Variants in RHOH observed in about 807,000 individuals in gnomAD.
RHOH encodes ras homolog family member H.
Under a neutral mutation model 13.8 loss-of-function variants are expected in RHOH, and 6 were observed. The ratio of observed to expected loss-of-function variants is 0.44; its 90% confidence interval spans 0.24 to 0.86. The LOEUF is 0.86. Among genes scored for constraint, RHOH ranks in the 40% least tolerant of loss-of-function variants. The pLI is 0.24. For synonymous variants in RHOH, 117 were observed against 103.0 expected (o/e 1.14, Z -0.82); for missense variants, 147 against 244.5 (o/e 0.60, Z 2.66).
In RHOH at chr4:40,218,080, C is replaced by T. The variant is rs185506793; in HGVS notation, c.-331+20780C>T. On this transcript the variant is annotated intron_variant, in intron 1 of 2. Transcript: ENST00000381799. This position sits in a 1 kb window ranked among gnomAD's most constrained non-coding sequence, Gnocchi z 4.1. ...TTGTACAAGGTACAAAACTTCTGTC[C>T]TTGGTATGAACATTTGGGAGGCAAG... is the stretch of plus-strand genomic sequence containing the variant. 6.6e-6 allele frequency: 1 copy of T among 152,238 alleles called. No homozygotes were observed. The highest frequency in any genetic ancestry group is 1.5e-5 in the Non-Finnish European group (1 of 68,022). The allele number at this position is 152,238 out of a possible 1,614,324, so 9.4% of individuals were successfully genotyped here. A position where few individuals can be genotyped will look rare whatever the true frequency, so the allele number is the denominator to read the frequency against.
chr4:40,197,533 G>A (rs142154649), intron 1 of RHOH, among the ~76,000 whole-genome samples: 1 of 152,226 alleles, frequency 6.6e-6, no homozygotes, highest in Non-Finnish European at 1.5e-5. Flanking sequence ...TACAATAGTT[G>A]GCTTTTTGGT....
chr4:40,199,031 CCATTCTAT>C (rs1443664753), intron 1 of RHOH, among the ~76,000 whole-genome samples: 3 of 151,946 alleles, frequency 2.0e-5, no homozygotes, highest in African/African-American at 7.2e-5. Flanking sequence ...CATGGAATCC[CCATTCTAT>C]CATTCTATCA....
intron 1 of RHOH, among the ~76,000 whole-genome samples, chr4:40,230,198 C>G (rs756373259): frequency 6.6e-6 from 1 of 152,078 alleles, no homozygotes; most frequent in Non-Finnish European, 1.5e-5. Flanking sequence ...ACCACCATGA[C>G]GGGCTAATTT....
intron 1 of RHOH, among the ~76,000 whole-genome samples, chr4:40,198,070 T>A (rs1344335974): frequency 6.6e-6 from 1 of 152,212 alleles, no homozygotes; most frequent in Admixed American, 6.5e-5. Flanking sequence ...AAGGACCCTA[T>A]AATCTGGTAG....
rs907691674 is a variant in RHOH at position 40,245,761 on chromosome 4, T to C, written c.*1799T>C. 5 of 152,178 alleles carry C rather than the reference T, an allele frequency of 3.3e-5. No homozygotes were observed. The highest frequency in any genetic ancestry group is 7.2e-5 in the African/African-American group (3 of 41,434). The allele number at this position is 152,178 out of a possible 1,614,324, so 9.4% of individuals were successfully genotyped here. A position where few individuals can be genotyped will look rare whatever the true frequency, so the allele number is the denominator to read the frequency against. Reference sequence around the variant, plus strand: ...ATGTTGACATAGCCAAACCAGTTTCTCTGTTCCCTTGTGTGGTCAATTCCT... The same window carrying C: ...ATGTTGACATAGCCAAACCAGTTTCCCTGTTCCCTTGTGTGGTCAATTCCT... On this transcript the variant is annotated 3_prime_UTR_variant, in exon 3 of 3. Transcript: ENST00000381799.
chr4:40,191,806 T>C (rs887982613), upstream of RHOH, among the ~76,000 whole-genome samples: 5 of 152,140 alleles, frequency 3.3e-5, no homozygotes, highest in African/African-American at 9.7e-5. Context: ...TATGTTATGA[T>C]ACATTAACAT....
At chr4:40,195,628 T>C (rs1197209539), upstream of RHOH, among the ~76,000 whole-genome samples, 1 of 152,068 alleles carries the variant, frequency 6.6e-6, no homozygotes, top group Non-Finnish European at 1.5e-5. Flanking sequence ...CTAATTTTTG[T>C]AGAGATGGGA....
chr4:40,206,499 C>T (rs1724653326), intron 1 of RHOH, among the ~76,000 whole-genome samples: 1 of 152,088 alleles, frequency 6.6e-6, no homozygotes, highest in East Asian at 1.9e-4. Flanking sequence ...TTACAAAAAC[C>T]TTTAAGGGGC....
intron 1 of RHOH, among the ~76,000 whole-genome samples, chr4:40,239,242 G>GAAAGCTGA (rs1728968079): frequency 6.6e-6 from 1 of 152,198 alleles, no homozygotes; most frequent in South Asian, 2.1e-4. Context: ...CTGAGGCCCT[G>GAAAGCTGA]AAAGCTGACT....
chr4:40,240,303 C>A (rs1729089511), intron 1 of RHOH: 1 of 151,704 alleles, frequency 6.6e-6, no homozygotes, highest in Non-Finnish European at 1.5e-5. Context: ...CATAGTGAGA[C>A]CTTGTCTCTA....
intron 1 of RHOH, among the ~76,000 whole-genome samples, chr4:40,207,306 A>G (rs1020493737): frequency 3.9e-5 from 6 of 152,222 alleles, no homozygotes; most frequent in African/African-American, 1.2e-4. Flanking sequence ...ATAGAAATAC[A>G]GCTAATAATT....
intron 1 of RHOH, chr4:40,235,126 T>A (rs1237669471): frequency 6.6e-6 from 1 of 152,256 alleles, no homozygotes; most frequent in Non-Finnish European, 1.5e-5. Flanking sequence ...CTTGAGAAGA[T>A]GTTCACCACA....
At chr4:40,235,590 C>A (rs1402355202) in intron 1 of RHOH, among the ~76,000 whole-genome samples, 340 of 74,650 alleles carry the variant, frequency 4.6e-3, no homozygotes, top group East Asian at 0.033. Flanking sequence ...AACTTCATCT[C>A]AAAAAAAAAA....
intron 1 of RHOH, among the ~76,000 whole-genome samples, chr4:40,220,367 T>A (rs1268431304): frequency 6.6e-6 from 1 of 152,050 alleles, no homozygotes; most frequent in Non-Finnish European, 1.5e-5. Context: ...AACTTGGCTG[T>A]TTAAATTTTA....
chr4:40,243,223 T>C lies in RHOH; in HGVS notation c.-164T>C, dbSNP rs563481473. ...GTTTTCAAAGCAGACGGTGCTTGGATGGGCAGGGAGAAGTAACATTCTGCA... is the reference window on the plus strand; with the variant it reads ...GTTTTCAAAGCAGACGGTGCTTGGACGGGCAGGGAGAAGTAACATTCTGCA... On this transcript the variant is annotated 5_prime_UTR_variant, in exon 3 of 3. An upstream start codon of the reference 5' UTR is lost. Transcript: ENST00000381799. This position sits in a 1 kb window ranked among gnomAD's most constrained non-coding sequence, Gnocchi z 6.2. 4.7e-5 allele frequency: 26 copies of C among 551,362 alleles called. No individual in the cohort carries two copies. Among genetic ancestry groups the C allele is most frequent in the Middle Eastern group, 4.9e-4 (1 of 2,048 alleles). 34.2% of individuals were successfully genotyped at this position (551,362 alleles called of 1,614,324 possible).
rs117574151 is a variant in RHOH, at chr4:40,235,912, G to A, written c.-330-6802G>A. On this transcript the variant is annotated intron_variant, in intron 1 of 2. Transcript: ENST00000381799. The stretch of plus-strand genomic sequence containing the variant: ...CAGGAGGATTGTTTGAACCCGGGAG[G>A]TCCAGGCTGCAGTGAGCTGTGATTG... Among the ~76,000 whole-genome samples the A allele has an allele frequency of 4.6e-5, 7 of 151,818 alleles. No individual in the cohort carries two copies. In the East Asian group the frequency reaches 1.4e-3, roughly 29 times the overall value.
At chr4:40,192,579 T>G (rs550197874), upstream of RHOH, among the ~76,000 whole-genome samples, 1 of 149,222 alleles carries the variant, frequency 6.7e-6, no homozygotes, top group Non-Finnish European at 1.5e-5. Context: ...GTAGTTGTCA[T>G]ATTATTTAAA....
At chr4:40,195,072 C>T (rs1483295415), upstream of RHOH, among the ~76,000 whole-genome samples, 1 of 152,232 alleles carries the variant, frequency 6.6e-6, no homozygotes, top group Non-Finnish European at 1.5e-5. Flanking sequence ...TGCTGAAGAG[C>T]ATAGAACCAC....
At chr4:40,214,237 C>T (rs1320827072) in intron 1 of RHOH, among the ~76,000 whole-genome samples, 3 of 152,076 alleles carry the variant, frequency 2.0e-5, no homozygotes, top group East Asian at 1.9e-4. Context: ...GCACAGTATA[C>T]GAGAAGGTTA....
Sources: allele counts gnomAD v4.1 joint callset (sites outside exome capture counted in the v4.1 genomes callset), GRCh38; gene constraint gnomAD v4.1.1; non-coding constraint Gnocchi (gnomAD v3.1); transcripts MANE v1.5; gene names NCBI Gene and HGNC (gene_info 2026-07-23, HGNC 2026-07-21).